Variants in JADE1 observed in about 807,000 individuals in gnomAD.
JADE1 encodes the protein jade family PHD finger 1.
JADE1 carries 14 observed loss-of-function variants against 81.8 expected under a neutral mutation model. The observed-to-expected ratio is 0.17, with a 90% CI of 0.11 to 0.27. The LOEUF (loss-of-function observed/expected upper bound fraction) is 0.27, where lower values mean the gene tolerates loss of function less well. Among genes scored for constraint, JADE1 ranks in the 10% least tolerant of loss-of-function variants. The pLI is 1.00. For missense variants in JADE1, 690 were observed against 1,047.9 expected (o/e 0.66, Z 4.71); for synonymous variants, 353 against 391.9 (o/e 0.90, Z 1.17).
chr4:128,842,364 G>A (rs1277650438), intron 2 of JADE1, among the ~76,000 whole-genome samples: 1 of 151,278 alleles, frequency 6.6e-6, no homozygotes, highest in East Asian at 1.9e-4. Flanking sequence ...CAGTGACGCA[G>A]TCTCGGCTCA....
Position 128,848,906 on chromosome 4 carries a change from T to C in JADE1, c.297-74T>C, listed in dbSNP as rs767670449. On this transcript the variant is annotated intron_variant, in intron 4 of 10. Transcript: ENST00000226319. ...TCTAAGGGTTGGAAGAGGAAGACATTTGGGGCCTTGTGGCACACTTCATTG... is the reference window on the plus strand; with the variant it reads ...TCTAAGGGTTGGAAGAGGAAGACATCTGGGGCCTTGTGGCACACTTCATTG... 94 of 1,462,026 alleles carry C rather than the reference T, an allele frequency of 6.4e-5. 1 individual carries two copies. The highest frequency in any genetic ancestry group is 8.3e-5 in the Non-Finnish European group (87 of 1,052,640). 90.6% of individuals were successfully genotyped at this position (1,462,026 alleles called of 1,614,324 possible). A position where few individuals can be genotyped will look rare whatever the true frequency, so the allele number is the denominator to read the frequency against.
At position 128,861,993 on chromosome 4, in the gene JADE1, A is replaced by G; in HGVS notation, c.1271A>G (p.Glu424Gly). The G allele has an allele frequency of 6.2e-7, 1 of 1,613,866 alleles. No individual in the cohort carries two copies. Among genetic ancestry groups the G allele is most frequent in the Non-Finnish European group, 8.5e-7 (1 of 1,179,954 alleles). The change falls in exon 9 of 11, where the codon GAG (glutamate) becomes GGG (glycine). Residue 424 changes from glutamate (E) to glycine (G), a missense_variant. Physicochemically the swap from Glu to Gly is moderately conservative, Grantham distance 98. Around this residue, in one of 8 missense-constraint regions of JADE1, gnomAD observed 63 missense variants for 138.4 expected, o/e 0.46. Transcript: ENST00000226319. ...CGTAAGCAGAAGCTGCAGCAGTTGG[A>G]GGATGAGTTCTACACCTTCGTCAAC... The part of the protein sequence containing the change: ...SVRKQKLQQL[E>G]DEFYTFVNLL...
chr4:128,836,562 G>A (rs1409930590), intron 2 of JADE1, among the ~76,000 whole-genome samples: 2 of 152,004 alleles, frequency 1.3e-5, no homozygotes, highest in African/African-American at 4.8e-5. Flanking sequence ...TAAGTGAACT[G>A]GGCAGTTAAA....
Position 128,873,256 on chromosome 4 carries a change from GA to G in JADE1, c.*1010del, listed in dbSNP as rs1296724284. The G allele has an allele frequency of 0.014, 398 of 28,682 alleles. 3 individuals are homozygous for G. Among genetic ancestry groups the G allele is most frequent in the African/African-American group, 0.024 (202 of 8,450 alleles). The allele number at this position is 28,682 out of a possible 1,614,324, so 1.8% of individuals were successfully genotyped here. On this transcript the variant is annotated 3_prime_UTR_variant, in exon 11 of 11. Coordinates refer to ENST00000226319, the MANE Select transcript of JADE1 (RefSeq NM_199320.4). ...CATGAATGGATTCCTTAAGAAAAAGGAAAAAAAAAAAAAAAAGAAAAAAAGA... is the reference window on the plus strand; with the variant it reads ...CATGAATGGATTCCTTAAGAAAAAGGAAAAAAAAAAAAAAAGAAAAAAAGA...
chr4:128,865,637 T>C (rs1731726180), intron 9 of JADE1, among the ~76,000 whole-genome samples: 1 of 152,152 alleles, frequency 6.6e-6, no homozygotes, highest in South Asian at 2.1e-4. Flanking sequence ...TCCTCACTAC[T>C]ATAAAGTGGA....
rs150393542 is a variant in JADE1 at position 128,832,877 on chromosome 4, C to G, written c.52+1067C>G. Among the ~76,000 whole-genome samples, 218 of 152,278 alleles carry G rather than the reference C, an allele frequency of 1.4e-3. 1 individual carries two copies. The highest frequency in any genetic ancestry group is 5.0e-3 in the African/African-American group (207 of 41,550). ...TGCCACCCTGTTCAGAAGAGGGGAC[C>G]AGGAATATGAAAAACAGAACTCAAT... is the stretch of plus-strand genomic sequence containing the variant. On this transcript the variant is annotated intron_variant, in intron 2 of 10. Coordinates refer to ENST00000226319, the MANE Select transcript of JADE1 (RefSeq NM_199320.4).
chr4:128,861,908 C>G lies in JADE1; in HGVS notation c.1186C>G (p.Pro396Ala), dbSNP rs766644745. Reference protein sequence around the residue: ...NGAPECSPRNPLEPFASLEQN... With the variant: ...NGAPECSPRNALEPFASLEQN... ...GGCCCCTGAGTGTTCCCCCCGGAAT[C>G]CGCTGGAGCCCTTTGCCAGCCTTGA... Residue 396 changes from proline (P) to alanine (A), a missense_variant, in exon 9 of 11, where the codon CCG (proline) becomes GCG (alanine). By Grantham distance (27) the Pro-to-Ala change is conservative (BLOSUM62 -1). Around this residue, in one of 8 missense-constraint regions of JADE1, gnomAD observed 77 missense variants for 76.4 expected, o/e 1.01. Transcript: ENST00000226319. 6.2e-7 allele frequency: 1 copy of G among 1,614,084 alleles called. No homozygotes were observed. Among genetic ancestry groups the G allele is most frequent in the Middle Eastern group, 1.6e-4 (1 of 6,062 alleles).
At chr4:128,837,404 C>T (rs1729070114) in intron 2 of JADE1, among the ~76,000 whole-genome samples, 1 of 152,118 alleles carries the variant, frequency 6.6e-6, no homozygotes, top group Non-Finnish European at 1.5e-5. Context: ...CATTTCTGGG[C>T]CAGTTCTTTG....
chr4:128,837,398 T>G (rs1246055343), intron 2 of JADE1, among the ~76,000 whole-genome samples: 2 of 152,240 alleles, frequency 1.3e-5, no homozygotes, highest in African/African-American at 4.8e-5. Flanking sequence ...TTGAAACATT[T>G]CTGGGCCAGT....
chr4:128,812,229 G>C (rs1027474062), intron 1 of JADE1, among the ~76,000 whole-genome samples: 34 of 152,220 alleles, frequency 2.2e-4, no homozygotes, highest in African/African-American at 7.9e-4. Flanking sequence ...CACTGCACCG[G>C]GGCTAATTCC....
chr4:128,841,516 G>A (rs1386043940), intron 2 of JADE1, among the ~76,000 whole-genome samples: 2 of 152,212 alleles, frequency 1.3e-5, no homozygotes, highest in Non-Finnish European at 1.5e-5. Context: ...ACGTCAAGTA[G>A]AAATGGTGGT....
At chr4:128,839,935 A>G (rs554447727) in intron 2 of JADE1, among the ~76,000 whole-genome samples, 3 of 152,326 alleles carry the variant, frequency 2.0e-5, no homozygotes, top group Admixed American at 6.5e-5. Context: ...CCTGTCTGCA[A>G]AGTGAGTTTA....
chr4:128,838,667 T>G (rs1480227843), intron 2 of JADE1, among the ~76,000 whole-genome samples: 1 of 152,206 alleles, frequency 6.6e-6, no homozygotes, highest in African/African-American at 2.4e-5. Flanking sequence ...TATTCTAATT[T>G]CTGGTTTGAC....
chr4:128,856,948 T>A (rs1730844773), intron 7 of JADE1, among the ~76,000 whole-genome samples: 1 of 152,224 alleles, frequency 6.6e-6, no homozygotes, highest in Non-Finnish European at 1.5e-5. Flanking sequence ...AAACAGGTTA[T>A]ATTTACTTAC....
intron 2 of JADE1, among the ~76,000 whole-genome samples, chr4:128,839,430 T>C (rs889358625): frequency 2.6e-5 from 4 of 152,232 alleles, no homozygotes; most frequent in African/African-American, 9.6e-5. Flanking sequence ...GATAAATGTT[T>C]AATAGCTTTA....
chr4:128,813,068 G>A (rs1251122939), intron 1 of JADE1, among the ~76,000 whole-genome samples: 1 of 152,186 alleles, frequency 6.6e-6, no homozygotes, highest in Non-Finnish European at 1.5e-5. Context: ...CAAAGCTAAT[G>A]AACTAGTTTT....
chr4:128,811,396 G>C (rs1037792413), intron 1 of JADE1: 1 of 152,070 alleles, frequency 6.6e-6, no homozygotes, highest in Non-Finnish European at 1.5e-5. Flanking sequence ...CCCTCCCACC[G>C]GTAATAGGTG....
chr4:128,845,110 C>T (rs1729757864), intron 3 of JADE1, among the ~76,000 whole-genome samples: 2 of 152,196 alleles, frequency 1.3e-5, no homozygotes, highest in African/African-American at 2.4e-5. Flanking sequence ...AAGGTCAGAG[C>T]TTTCTTATGC....
rs1339425957 is a variant in JADE1 at position 128,849,765 on chromosome 4, G to T, written c.484+598G>T. Among the ~76,000 whole-genome samples, 2 of 152,134 alleles carry T rather than the reference G, an allele frequency of 1.3e-5. 1 individual carries two copies. Among genetic ancestry groups the T allele is most frequent in the Admixed American group, 1.3e-4 (2 of 15,272 alleles). On this transcript the variant is annotated intron_variant, in intron 5 of 10. Transcript: ENST00000226319. ...CTCTTTTCTGCAAGCTCATTTTAGC[G>T]TATGTAGACGTTGGAGCATCTCATG... is the stretch of plus-strand genomic sequence containing the variant.
Sources: gnomAD v4.1 joint callset for allele counts (sites outside exome capture counted in the v4.1 genomes callset) on GRCh38, gnomAD v4.1.1 for gene constraint, gnomAD v4.1.1 regional missense constraint, MANE v1.5 for transcripts, NCBI Gene and HGNC (gene_info 2026-07-23, HGNC 2026-07-21) for gene names.